ABHD11: variants seen among roughly 807,000 people sequenced by gnomAD.
ABHD11 encodes sn-1-specific diacylglycerol lipase ABHD11.
In ABHD11, 26 loss-of-function variants were observed where a neutral mutation model predicts 29.0. The observed-to-expected ratio is 0.90, with a 90% CI of 0.66 to 1.24. The LOEUF (loss-of-function observed/expected upper bound fraction) is 1.24. Among genes scored for constraint, ABHD11 ranks in the 50% most tolerant of loss-of-function variants. ABHD11 has a pLI of 0.00. For missense variants in ABHD11, 381 were observed against 422.4 expected, an observed-to-expected ratio of 0.90 and a Z score of 0.86; for synonymous variants, 169 against 166.4, an observed-to-expected ratio of 1.02 and a Z score of -0.12.
rs1799908445 is a variant in ABHD11 at position 73,736,661 on chromosome 7, G to T, written c.819C>A (p.Leu273=). The T allele has an allele frequency of 1.2e-6, 2 of 1,614,046 alleles. No homozygotes were observed. The highest frequency in any genetic ancestry group is 3.4e-4 in the Middle Eastern group (2 of 5,954). The change falls in exon 6 of 6, where the codon CTC becomes CTA. Residue 273 remains leucine (L), a synonymous_variant. Coordinates refer to ENST00000222800, the MANE Select transcript of ABHD11 (RefSeq NM_148912.4). ...HPSHHPEIMR[L]FPRAQMQTVP... ...CCGTCTGCATCTGGGCCCGAGGGAAGAGCCGCATAATCTCAGGGTGGTGGC... is the reference window on the plus strand; with the variant it reads ...CCGTCTGCATCTGGGCCCGAGGGAATAGCCGCATAATCTCAGGGTGGTGGC...
At position 73,737,301 on chromosome 7, in the gene ABHD11, T is replaced by A; in HGVS notation, c.526A>T (p.Arg176Trp). The stretch of plus-strand genomic sequence containing the variant: ...AGCTCATCTGCGATGTTGATGGCCC[T>A]CATGGCTGCCACATAGGTTGCAAAG... ...SHFATYVAAM[R>W]AINIADELPR... Residue 176 changes from arginine to tryptophan, a missense_variant, in exon 4 of 6, where the codon AGG becomes TGG. Transcript: ENST00000222800. The A allele has an allele frequency of 6.2e-7, 1 of 1,614,124 alleles. No individual in the cohort carries two copies. The highest frequency in any genetic ancestry group is 8.5e-7 in the Non-Finnish European group (1 of 1,180,032).
At position 73,736,541 on chromosome 7, in the gene ABHD11, T is replaced by G. The variant is rs1436595971; in HGVS notation, c.*18A>C. On this transcript the variant is annotated 3_prime_UTR_variant, in exon 6 of 6. Transcript: ENST00000222800. ...AGGCATGAGCCACCACGCCCGGCCA[T>G]CTTCTTGCCAGCAACTCTTAGACCA... 7 of 1,613,092 alleles carry G rather than the reference T, an allele frequency of 4.3e-6. No homozygotes were observed. Among genetic ancestry groups the G allele is most frequent in the Non-Finnish European group, 5.1e-6 (6 of 1,179,836 alleles).
In ABHD11 at chr7:73,736,702, C is replaced by T. The variant is rs1456019433; in HGVS notation, c.789-11G>A. 1 of 1,613,252 alleles carries T rather than the reference C, an allele frequency of 6.2e-7. No individual in the cohort carries two copies. Among genetic ancestry groups the T allele is most frequent in the African/African-American group, 1.3e-5 (1 of 74,856 alleles). On this transcript the variant is annotated splice_polypyrimidine_tract_variant and intron_variant, in intron 5 of 5. Coordinates refer to ENST00000222800, the MANE Select transcript of ABHD11 (RefSeq NM_148912.4). ...GGGTGGTGGCTGGGACTGTGCATCG[C>T]AGCGACGGCCATCAAAAACGGGTGA...
chr7:73,736,487 G>A lies in ABHD11; in HGVS notation c.*72C>T, dbSNP rs1445618334. On this transcript the variant is annotated 3_prime_UTR_variant, in exon 6 of 6. Transcript: ENST00000222800. ...ACTCCTGGCCTCAAGTCATCCTCCC[G>A]CCTTAGCCTCCCAAAGTGCTGGAAT... 29 of 1,584,878 alleles carry A rather than the reference G, an allele frequency of 1.8e-5. No homozygotes were observed. The highest frequency in any genetic ancestry group is 1.1e-4 in the South Asian group (10 of 89,204).
rs1799929098 is a variant in ABHD11, at chr7:73,736,807, C to T, written c.789-116G>A. 18 of 1,577,728 alleles carry T rather than the reference C, an allele frequency of 1.1e-5. No individual in the cohort carries two copies. The South Asian group carries it at 2.0e-4, about 17-fold the overall frequency. ...GAGAGAGCTGTGTGAGCCCATATGCCCGGTGGTATTTCTGGCCTCTCAGCC... is the reference window on the plus strand; with the variant it reads ...GAGAGAGCTGTGTGAGCCCATATGCTCGGTGGTATTTCTGGCCTCTCAGCC... On this transcript the variant is annotated intron_variant, in intron 5 of 5. Transcript: ENST00000222800.
In ABHD11 at chr7:73,737,337, C is replaced by T. The variant is rs1800007264; in HGVS notation, c.490G>A (p.Gly164Ser). The T allele has an allele frequency of 6.2e-7, 1 of 1,613,962 alleles. No individual in the cohort carries two copies. The highest frequency in any genetic ancestry group is 8.5e-7 in the Non-Finnish European group (1 of 1,180,028). ...AVDISPVEST[G>S]VSHFATYVAA... ...ACATAGGTTGCAAAGTGGGAGACACCTGTGCTTTCCACTGGGCTGATATCT... is the reference window on the plus strand; with the variant it reads ...ACATAGGTTGCAAAGTGGGAGACACTTGTGCTTTCCACTGGGCTGATATCT... The change falls in exon 4 of 6, where the codon GGT becomes AGT. Residue 164 changes from glycine to serine, a missense_variant. Gly to Ser is a moderately conservative substitution (Grantham distance 56). Coordinates refer to ENST00000222800, the MANE Select transcript of ABHD11 (RefSeq NM_148912.4).
At chr7:73,738,123 G>C in intron 2 of ABHD11, 1 of 991,822 alleles carries the variant, frequency 1.0e-6, no homozygotes, top group Non-Finnish European at 1.6e-6. Flanking sequence ...GCCTAGGCAT[G>C]GGCCAGCCCC....
intron 3 of ABHD11, 81 bp from the exon 4 acceptor site, chr7:73,737,472 T>A: frequency 6.4e-7 from 1 of 1,563,936 alleles, no homozygotes; most frequent in Non-Finnish European, 8.6e-7. Flanking sequence ...CTGAACTTGG[T>A]CATCCAACGA....
rs201447016 is a variant in ABHD11, at chr7:73,737,215, T to C, written c.606+6A>G. On this transcript the variant is annotated splice_donor_region_variant and intron_variant, in intron 4 of 5. Coordinates refer to ENST00000222800, the MANE Select transcript of ABHD11 (RefSeq NM_148912.4). Reference sequence around the variant, plus strand: ...AATACCATCCGGGGCACCTTGGGTGTATCACCTGGATGACAGAACTGAGCT... The same window carrying C: ...AATACCATCCGGGGCACCTTGGGTGCATCACCTGGATGACAGAACTGAGCT... 1.9e-6 allele frequency: 3 copies of C among 1,614,044 alleles called. No homozygotes were observed. The highest frequency in any genetic ancestry group is 2.5e-6 in the Non-Finnish European group (3 of 1,180,028).
intron 2 of ABHD11, 54 bp downstream of exon 2, chr7:73,738,274 G>GGCCC: frequency 2.2e-6 from 3 of 1,357,188 alleles, no homozygotes; most frequent in Non-Finnish European, 3.1e-6. Flanking sequence ...CTCCTCTCAG[G>GGCCC]CCCCGCCCAC....
At chr7:73,738,113 G>A (rs1800118142) in intron 2 of ABHD11, 3 of 904,912 alleles carry the variant, frequency 3.3e-6, no homozygotes, top group Non-Finnish European at 1.8e-6. Context: ...GGGTGCAGGC[G>A]CCTAGGCATG....
intron 4 of ABHD11, 25 bp downstream of exon 4, chr7:73,737,196 A>T: frequency 6.2e-7 from 1 of 1,613,870 alleles, no homozygotes; most frequent in East Asian, 2.2e-5. Context: ...CTACAATACC[A>T]TCCGGGGCAC....
rs201730150 is a variant in ABHD11 at position 73,736,521 on chromosome 7, T to C, written c.*38A>G. 369 of 1,610,720 alleles carry C rather than the reference T, an allele frequency of 2.3e-4. No homozygotes were observed. Among genetic ancestry groups the C allele is most frequent in the Middle Eastern group, 3.5e-4 (2 of 5,638 alleles). On this transcript the variant is annotated 3_prime_UTR_variant, in exon 6 of 6. Coordinates refer to ENST00000222800, the MANE Select transcript of ABHD11 (RefSeq NM_148912.4). Reference sequence around the variant, plus strand: ...TCCCAAAGTGCTGGAATTACAGGCATGAGCCACCACGCCCGGCCATCTTCT... The same window carrying C: ...TCCCAAAGTGCTGGAATTACAGGCACGAGCCACCACGCCCGGCCATCTTCT...
In ABHD11 at chr7:73,738,449, G is replaced by A. The variant is rs1349451769; in HGVS notation, c.140C>T (p.Ser47Phe). The A allele has an allele frequency of 1.9e-6, 3 of 1,610,988 alleles. No individual in the cohort carries two copies. Among genetic ancestry groups the A allele is most frequent in the Non-Finnish European group, 1.7e-6 (2 of 1,178,594 alleles). The part of the protein sequence containing the change: ...GGAEPRPLPL[S>F]YRLLDGEAAL... ...TGCCTCCCCGTCCAGAAGCCTGTAG[G>A]AAAGCGGAAGCGGCCTGGCAGGGGA... Residue 47 changes from serine (S) to phenylalanine (F), a missense_variant, in exon 2 of 6, where the codon TCC (serine) becomes TTC (phenylalanine). Ser to Phe is a radical substitution (Grantham distance 155). Transcript: ENST00000222800.
intron 5 of ABHD11, 68 bp downstream of exon 5, chr7:73,736,860 CT>C: frequency 6.3e-7 from 1 of 1,577,956 alleles, no homozygotes; most frequent in Admixed American, 1.7e-5. Flanking sequence ...AAGGCCTCCC[CT>C]GGTAGGGTCC....
In ABHD11 at chr7:73,736,931, C is replaced by T. The variant is rs1799943951; in HGVS notation, c.786G>A (p.Val262=). ...LFLLGGNSQF[V]HPSHHPEIMR... ...TCCTACTACCCAGGCTAGCTTACTG[C>T]ACGAACTGGGAGTTTCCACCAAGGA... Residue 262 remains valine (V), a splice_region_variant and synonymous_variant, in exon 5 of 6, where the codon GTG becomes GTA. Coordinates refer to ENST00000222800, the MANE Select transcript of ABHD11 (RefSeq NM_148912.4). 1 of 1,612,872 alleles carries T rather than the reference C, an allele frequency of 6.2e-7. No individual in the cohort carries two copies. The highest frequency in any genetic ancestry group is 1.3e-5 in the African/African-American group (1 of 74,904).
At chr7:73,738,206 A>G (rs1800131131) in intron 2 of ABHD11, 122 bp downstream of exon 2, 6 of 1,419,018 alleles carry the variant, frequency 4.2e-6, no homozygotes, top group Non-Finnish European at 4.8e-6. Flanking sequence ...TTCAGGGTCC[A>G]TACTCAGAGT....
intron 2 of ABHD11, chr7:73,738,022 G>A (rs1392504800): frequency 2.7e-6 from 2 of 744,672 alleles, no homozygotes; most frequent in Non-Finnish European, 4.8e-6. Context: ...TCCAACAGTA[G>A]GAGCACAGAA....
chr7:73,736,670 A>C lies in ABHD11; in HGVS notation c.810T>G (p.Ile270Met). Residue 270 changes from isoleucine to methionine, a missense_variant, in exon 6 of 6, where the codon ATT (isoleucine) becomes ATG (methionine). Transcript: ENST00000222800. ...QFVHPSHHPEIMRLFPRAQMQ... is the reference protein window; with the variant it reads ...QFVHPSHHPEMMRLFPRAQMQ... ...TCTGGGCCCGAGGGAAGAGCCGCAT[A>C]ATCTCAGGGTGGTGGCTGGGACTGT... is the stretch of plus-strand genomic sequence containing the variant. 6.2e-7 allele frequency: 1 copy of C among 1,613,878 alleles called. No individual in the cohort carries two copies. Among genetic ancestry groups the C allele is most frequent in the Non-Finnish European group, 8.5e-7 (1 of 1,180,010 alleles).
Sources: allele counts gnomAD v4.1 joint callset, GRCh38; gene constraint gnomAD v4.1.1; transcripts MANE v1.5; gene names NCBI Gene and HGNC (gene_info 2026-07-23, HGNC 2026-07-21).